IL1RAPL2: variants seen among roughly 807,000 people sequenced by gnomAD.
The protein encoded by IL1RAPL2 is interleukin 1 receptor accessory protein like 2.
Under a neutral mutation model 44.1 loss-of-function variants are expected in IL1RAPL2, and 3 were observed. The observed-to-expected ratio is 0.07, with a 90% CI of 0.03 to 0.18. The LOEUF (loss-of-function observed/expected upper bound fraction) is 0.18. IL1RAPL2 is among the 10% of genes least tolerant of loss of function. IL1RAPL2 has a pLI of 1.00. For synonymous variants in IL1RAPL2, 181 were observed against 178.8 expected, an observed-to-expected ratio of 1.01 and a Z score of -0.10; for missense variants, 391 against 496.4, an observed-to-expected ratio of 0.79 and a Z score of 2.02.
intron 1 of IL1RAPL2, among the ~76,000 whole-genome samples, chrX:104,634,127 G>T (rs1486466369): frequency 2.7e-5 from 3 of 111,499 alleles, no homozygotes. Flanking sequence ...GGAGCAGGTT[G>T]TTCAGTTTCC....
At chrX:105,074,557 G>GT (rs1296564162) in intron 2 of IL1RAPL2, among the ~76,000 whole-genome samples, 3 of 108,883 alleles carry the variant, frequency 2.8e-5, no homozygotes, top group Admixed American at 9.9e-5. Context: ...CTTTAAAGTA[G>GT]TTTTTTCCAA....
intron 2 of IL1RAPL2, among the ~76,000 whole-genome samples, chrX:104,956,495 T>TGTGTGTGTGTGTGTGTG (rs1556020850): frequency 8.3e-5 from 9 of 108,591 alleles, no homozygotes; most frequent in African/African-American, 2.0e-4. Context: ...TGTGTGTGTG[T>TGTGTGTGTGTGTGTGTG]TATGCCGGGC....
intron 2 of IL1RAPL2, among the ~76,000 whole-genome samples, chrX:105,032,846 A>G (rs181371099): frequency 1.8e-5 from 2 of 110,784 alleles, no homozygotes; most frequent in African/African-American, 6.6e-5. Context: ...TCCCATTATT[A>G]TTGTGTGGGA....
chrX:104,837,487 A>G (rs1921771975), intron 2 of IL1RAPL2, among the ~76,000 whole-genome samples: 1 of 111,850 alleles, frequency 8.9e-6, no homozygotes, highest in Non-Finnish European at 1.9e-5. Context: ...ACTGATGATG[A>G]GCTTTCTTCA....
chrX:105,263,447 A>G (rs2034376616), intron 4 of IL1RAPL2, among the ~76,000 whole-genome samples: 1 of 111,946 alleles, frequency 8.9e-6, no homozygotes, highest in Non-Finnish European at 1.9e-5. Flanking sequence ...AGTAACCACA[A>G]CCACCAAATC....
At chrX:104,731,604 T>C (rs1399412404) in intron 2 of IL1RAPL2, among the ~76,000 whole-genome samples, 2 of 111,481 alleles carry the variant, frequency 1.8e-5, no homozygotes, top group Admixed American at 9.6e-5. Flanking sequence ...GTTTTCACCA[T>C]GTTAGCCAGT....
chrX:104,703,132 G>T (rs1247984201), intron 2 of IL1RAPL2, among the ~76,000 whole-genome samples: 1 of 111,365 alleles, frequency 9.0e-6, no homozygotes, highest in Non-Finnish European at 1.9e-5. Flanking sequence ...CTCTAAGGAT[G>T]CTGGTCTAGC....
At chrX:105,667,400 T>C (rs2147850838) in intron 6 of IL1RAPL2, among the ~76,000 whole-genome samples, 1 of 112,265 alleles carries the variant, frequency 8.9e-6, no homozygotes, top group Non-Finnish European at 1.9e-5. Flanking sequence ...TTTTACTGAT[T>C]CCCAATTGTG....
intron 6 of IL1RAPL2, among the ~76,000 whole-genome samples, chrX:105,540,634 G>C (rs768099747): frequency 9.5e-6 from 1 of 105,238 alleles, no homozygotes; most frequent in Non-Finnish European, 1.9e-5. Flanking sequence ...ATTCTGCTCC[G>C]TTGAATTTCT....
chrX:105,686,380 C>CAAAAAAAAAAAAAAA (rs1177667576), intron 6 of IL1RAPL2, among the ~76,000 whole-genome samples: 13 of 25,162 alleles, frequency 5.2e-4, no homozygotes, highest in African/African-American at 1.1e-3. Context: ...AAATGGAAAG[C>CAAAAAAAAAAAAAAA]AAAAAAAAAA....
chrX:105,556,716 G>C (rs2036899384), intron 6 of IL1RAPL2, among the ~76,000 whole-genome samples: 1 of 111,983 alleles, frequency 8.9e-6, no homozygotes, highest in African/African-American at 3.2e-5. Context: ...GACTGGCTTA[G>C]TAATCAGCAT....
intron 1 of IL1RAPL2, among the ~76,000 whole-genome samples, chrX:104,636,515 T>C (rs1929810557): frequency 8.9e-6 from 1 of 112,255 alleles, no homozygotes; most frequent in Non-Finnish European, 1.9e-5. Flanking sequence ...CTGGCCACTT[T>C]GTTTGCCTAC....
intron 2 of IL1RAPL2, among the ~76,000 whole-genome samples, chrX:104,767,066 G>C (rs868654016): frequency 1.8e-5 from 2 of 111,989 alleles, no homozygotes; most frequent in Middle Eastern, 4.6e-3. Flanking sequence ...TCATGTAGAA[G>C]TTTCCATAGT....
intron 4 of IL1RAPL2, among the ~76,000 whole-genome samples, chrX:105,238,776 G>A (rs899730901): frequency 1.8e-5 from 2 of 110,777 alleles, no homozygotes; most frequent in Non-Finnish European, 3.8e-5. Flanking sequence ...AGGTGAGAGT[G>A]TGCCACTCTC....
intron 5 of IL1RAPL2, among the ~76,000 whole-genome samples, chrX:105,275,399 A>C (rs1204622688): frequency 2.7e-5 from 3 of 112,120 alleles, no homozygotes; most frequent in East Asian, 5.6e-4. Flanking sequence ...TGCCTATAAC[A>C]TCAACAGTTG....
At position 105,197,757 on chromosome X, in the gene IL1RAPL2, CT is replaced by C. The variant is rs781888965; in HGVS notation, c.356+2020del. 1.4e-3 allele frequency among the ~76,000 whole-genome samples: 149 copies of C among 104,329 alleles called. 1 individual carries two copies. The highest frequency in any genetic ancestry group is 3.7e-3 in the African/African-American group (106 of 28,965). 90.6% of individuals were successfully genotyped at this position (104,329 alleles called of 115,157 possible). A position where few individuals can be genotyped will look rare whatever the true frequency, so the allele number is the denominator to read the frequency against. On this transcript the variant is annotated intron_variant, in intron 3 of 10. Transcript: ENST00000372582. ...TAAATCTCTCCAAGTCAACTGATAGCTTTTTTTTTTTACTTTTATTTTAGGC... is the reference window on the plus strand; with the variant it reads ...TAAATCTCTCCAAGTCAACTGATAGCTTTTTTTTTTACTTTTATTTTAGGC...
intron 2 of IL1RAPL2, among the ~76,000 whole-genome samples, chrX:104,905,978 C>A (rs1200361149): frequency 1.4e-4 from 15 of 109,509 alleles, no homozygotes; most frequent in Admixed American, 7.8e-4. Context: ...CTTTTATTTC[C>A]TTGAGCAGTG....
intron 2 of IL1RAPL2, among the ~76,000 whole-genome samples, chrX:104,866,851 A>G (rs1220960415): frequency 9.0e-6 from 1 of 111,386 alleles, no homozygotes; most frequent in Non-Finnish European, 1.9e-5. Context: ...AATTGGGGCC[A>G]AAAATGAATG....
intron 2 of IL1RAPL2, among the ~76,000 whole-genome samples, chrX:104,706,343 G>A (rs1049017978): frequency 3.6e-5 from 4 of 112,016 alleles, no homozygotes; most frequent in Non-Finnish European, 5.6e-5. Context: ...ATATCACCTC[G>A]TTGAAGCCTT....
Sources: allele counts gnomAD v4.1 joint callset (sites outside exome capture counted in the v4.1 genomes callset), GRCh38; gene constraint gnomAD v4.1.1; transcripts MANE v1.5; gene names NCBI Gene and HGNC (gene_info 2026-07-23, HGNC 2026-07-21).